The following PPP1R36 variants were observed in gnomAD, a reference collection of about 807,000 sequenced individuals.
PPP1R36 encodes the protein protein phosphatase 1 regulatory subunit 36.
In PPP1R36, 47 loss-of-function variants were observed where a neutral mutation model predicts 53.4. The ratio of observed to expected loss-of-function variants is 0.88; its 90% CI spans 0.70 to 1.12. The LOEUF is 1.12. PPP1R36 is among the 50% of genes most tolerant of loss of function. The pLI, the probability that PPP1R36 is intolerant of heterozygous loss-of-function variation, is 0.00. For missense variants in PPP1R36, 456 were observed against 513.9 expected (o/e 0.89, Z 1.09); for synonymous variants, 153 against 170.5 (o/e 0.90, Z 0.80).
At chr14:64,555,326 C>T (rs574215104) in intron 3 of PPP1R36, among the ~76,000 whole-genome samples, 1 of 152,316 alleles carries the variant, frequency 6.6e-6, no homozygotes, top group South Asian at 2.1e-4. Flanking sequence ...ACATCGTTCT[C>T]GAACAGTTGT....
chr14:64,567,749 C>T (rs1566653102), intron 6 of PPP1R36, among the ~76,000 whole-genome samples: 5 of 152,098 alleles, frequency 3.3e-5, no homozygotes. Context: ...GCAACCTCCA[C>T]CTCCTGGGTT....
intron 7 of PPP1R36, among the ~76,000 whole-genome samples, chr14:64,569,699 T>C (rs1329774812): frequency 6.6e-6 from 1 of 152,140 alleles, no homozygotes; most frequent in Non-Finnish European, 1.5e-5. Flanking sequence ...CTGAGGCTTA[T>C]TGCTAATCTG....
intron 7 of PPP1R36, among the ~76,000 whole-genome samples, chr14:64,570,212 G>A (rs1245027757): frequency 3.3e-5 from 5 of 152,120 alleles, no homozygotes; most frequent in African/African-American, 4.8e-5. Flanking sequence ...GGCCGGGCAC[G>A]GTGGCTCATG....
chr14:64,550,814 T>G, intron 1 of PPP1R36, 107 bp from the exon 2 acceptor site: 2 of 793,558 alleles, frequency 2.5e-6, no homozygotes, highest in South Asian at 3.6e-5. Context: ...TTCTTATTAC[T>G]TAAAAGATGT....
chr14:64,575,951 AG>A (rs752446173), intron 8 of PPP1R36, among the ~76,000 whole-genome samples: 2 of 151,698 alleles, frequency 1.3e-5, no homozygotes, highest in Non-Finnish European at 2.9e-5. Context: ...CGCCTGGCCT[AG>A]TTTAAGACAT....
At chr14:64,555,847 CCT>C (rs757187679) in intron 3 of PPP1R36, among the ~76,000 whole-genome samples, 7 of 126,658 alleles carry the variant, frequency 5.5e-5, no homozygotes, top group Non-Finnish European at 1.0e-4. Flanking sequence ...CTGATTTTCC[CCT>C]CTCTCTCTCT....
chr14:64,552,972 C>A, intron 3 of PPP1R36, 111 bp downstream of exon 3: 1 of 1,010,056 alleles, frequency 9.9e-7, no homozygotes, highest in Admixed American at 2.4e-5. Flanking sequence ...ATATTAAGTG[C>A]CAATTTTTTT....
At chr14:64,563,247 C>T (rs1161055864) in intron 3 of PPP1R36, among the ~76,000 whole-genome samples, 5 of 152,152 alleles carry the variant, frequency 3.3e-5, no homozygotes, top group Non-Finnish European at 5.9e-5. Context: ...TCTCAGCTCA[C>T]TGCAGTCTCC....
At chr14:64,568,283 G>T in intron 6 of PPP1R36, 66 bp from the exon 7 acceptor site, 1 of 611,656 alleles carries the variant, frequency 1.6e-6, no homozygotes, top group South Asian at 3.0e-5. Flanking sequence ...TATTTTTTAT[G>T]AGAAATCTTA....
intron 3 of PPP1R36, chr14:64,562,039 TG>T: frequency 3.1e-6 from 1 of 318,710 alleles, no homozygotes; most frequent in South Asian, 2.6e-5. Context: ...GCAAGGGGAA[TG>T]ACATGATTAT....
intron 8 of PPP1R36, among the ~76,000 whole-genome samples, chr14:64,581,688 G>A (rs1301856964): frequency 6.6e-6 from 1 of 152,108 alleles, no homozygotes; most frequent in Non-Finnish European, 1.5e-5. Context: ...TGTCTCATGT[G>A]CACACTTAAT....
In PPP1R36 at chr14:64,582,168, C is replaced by G. The variant is rs143655721; in HGVS notation, c.669-4669C>G. On this transcript the variant is annotated intron_variant, in intron 8 of 11. Transcript: ENST00000298705. ...TACCCCCAGTCACATGCACCAAAGCCTCTTTCCCCTCCCCTAAAATACATC... is the reference window on the plus strand; with the variant it reads ...TACCCCCAGTCACATGCACCAAAGCGTCTTTCCCCTCCCCTAAAATACATC... 2.6e-5 allele frequency among the ~76,000 whole-genome samples: 4 copies of G among 152,258 alleles called. No homozygotes were observed. The East Asian group carries it at 7.7e-4, about 29-fold the overall frequency.
intron 3 of PPP1R36, among the ~76,000 whole-genome samples, chr14:64,562,309 A>T (rs1360232310): frequency 2.0e-5 from 3 of 152,090 alleles, no homozygotes; most frequent in Non-Finnish European, 4.4e-5. Context: ...AAAAATACAA[A>T]AATTAGCAGG....
At chr14:64,576,913 C>T (rs879488080) in intron 8 of PPP1R36, among the ~76,000 whole-genome samples, 24 of 152,242 alleles carry the variant, frequency 1.6e-4, no homozygotes, top group Admixed American at 2.6e-4. Context: ...CGTAACTGAG[C>T]AGTGGCCCCA....
intron 8 of PPP1R36, among the ~76,000 whole-genome samples, chr14:64,581,891 C>T (rs76392586): frequency 0.053 from 7,998 of 152,244 alleles, 288 homozygotes; most frequent in Non-Finnish European, 0.081. Context: ...TAAAAGTTCT[C>T]TGTGTTTTCC....
intron 2 of PPP1R36, chr14:64,551,489 A>G: frequency 2.9e-6 from 1 of 340,344 alleles, no homozygotes; most frequent in South Asian, 2.5e-5. Flanking sequence ...ATCTCTATGA[A>G]AAAAGACACT....
At chr14:64,567,865 G>T (rs2080273056) in intron 6 of PPP1R36, among the ~76,000 whole-genome samples, 1 of 152,018 alleles carries the variant, frequency 6.6e-6, no homozygotes, top group African/African-American at 2.4e-5. Context: ...GTTTCGCCAG[G>T]CTGGTCTCGA....
intron 3 of PPP1R36, among the ~76,000 whole-genome samples, chr14:64,554,969 G>A (rs8016222): frequency 0.9 from 136,196 of 152,104 alleles, 61,133 homozygotes; most frequent in South Asian, 0.96. Flanking sequence ...GCAAAATTAG[G>A]GTGGGAAGTG....
At chr14:64,552,210 T>G (rs901242362) in intron 2 of PPP1R36, among the ~76,000 whole-genome samples, 6 of 152,078 alleles carry the variant, frequency 3.9e-5, no homozygotes, top group Non-Finnish European at 7.4e-5. Context: ...AACTGGTGGC[T>G]GGGTGTGGTG....
Sources: gnomAD v4.1 joint callset for allele counts (sites outside exome capture counted in the v4.1 genomes callset) on GRCh38, gnomAD v4.1.1 for gene constraint, MANE v1.5 for transcripts, NCBI Gene and HGNC (gene_info 2026-07-23, HGNC 2026-07-21) for gene names.